Variants in MALRD1 observed in about 807,000 individuals in gnomAD.
MALRD1 encodes the protein MAM and LDL-receptor class A domain-containing protein 1.
Under a neutral mutation model 242.1 loss-of-function variants are expected in MALRD1, and 247 were observed. The ratio of observed to expected loss-of-function variants is 1.02; its 90% confidence interval spans 0.92 to 1.13. The LOEUF is 1.13. Ranked by LOEUF, MALRD1 falls within the 50% of genes most tolerant of loss-of-function variation. The pLI is 0.00. For missense variants in MALRD1, 2,989 were observed against 2,533.1 expected (o/e 1.18, Z -3.86); for synonymous variants, 995 against 866.6 (o/e 1.15, Z -2.60).
At chr10:19,502,076 C>A (rs1838004092) in intron 31 of MALRD1, among the ~76,000 whole-genome samples, 1 of 149,660 alleles carries the variant, frequency 6.7e-6, no homozygotes, top group South Asian at 2.1e-4. Flanking sequence ...AGGAACTGTA[C>A]CTGAAAAGAA....
chr10:19,210,863 AT>A (rs1245073468), intron 18 of MALRD1, among the ~76,000 whole-genome samples: 2 of 152,140 alleles, frequency 1.3e-5, no homozygotes, highest in African/African-American at 2.4e-5. Flanking sequence ...ATGAGAATGA[AT>A]CCCCCATTTA....
intron 5 of MALRD1, among the ~76,000 whole-genome samples, chr10:19,120,692 T>G (rs1837028724): frequency 6.6e-6 from 1 of 152,160 alleles, no homozygotes; most frequent in African/African-American, 2.4e-5. Flanking sequence ...AATTAGGTAG[T>G]TTGATGATTG....
intron 36 of MALRD1, among the ~76,000 whole-genome samples, chr10:19,621,559 A>G (rs1268703558): frequency 6.6e-6 from 1 of 151,738 alleles, no homozygotes; most frequent in Admixed American, 6.6e-5. Flanking sequence ...AGATAAAATA[A>G]GGAGAATCAA....
rs770129761 is a variant in MALRD1 at position 19,447,668 on chromosome 10, G to A, written c.4846-2639G>A. ...GATAAATAGGAAAAGTTAGTAAAGT[G>A]AATTAAGTTTGTAAATCAAGACAGG... On this transcript the variant is annotated intron_variant, in intron 28 of 39. Transcript: ENST00000454679. Among the ~76,000 whole-genome samples, 20 of 152,136 alleles carry A rather than the reference G, an allele frequency of 1.3e-4. 1 individual carries two copies. Among genetic ancestry groups the A allele is most frequent in the Admixed American group, 1.3e-3 (20 of 15,268 alleles).
chr10:19,316,163 C>T lies in MALRD1; in HGVS notation c.3420-7786C>T, dbSNP rs531874317. 9.8e-4 allele frequency among the ~76,000 whole-genome samples: 148 copies of T among 150,492 alleles called. 1 individual carries two copies. Among genetic ancestry groups the T allele is most frequent in the African/African-American group, 3.5e-3 (141 of 40,788 alleles). ...GTAAATTTACATAATTTACTAAGGA[C>T]AATTGCTCTGCAGGTAAATATACAT... On this transcript the variant is annotated intron_variant, in intron 21 of 39. Transcript: ENST00000454679.
intron 35 of MALRD1, among the ~76,000 whole-genome samples, chr10:19,615,561 A>C (rs1839115203): frequency 6.6e-6 from 1 of 150,638 alleles, no homozygotes. Context: ...AAAAAATAGC[A>C]AAAAATAAAT....
intron 21 of MALRD1, among the ~76,000 whole-genome samples, chr10:19,292,785 C>G (rs1490907818): frequency 1.4e-5 from 2 of 147,776 alleles, no homozygotes; most frequent in African/African-American, 5.0e-5. Flanking sequence ...CCCAGCTACT[C>G]GGGAGGCTGA....
chr10:19,493,645 TAAAA>T (rs758905906), intron 30 of MALRD1, among the ~76,000 whole-genome samples: 1 of 122,046 alleles, frequency 8.2e-6, no homozygotes. Flanking sequence ...CCGTCTCTAC[TAAAA>T]AAAAAAAAAA....
intron 19 of MALRD1, among the ~76,000 whole-genome samples, chr10:19,277,985 A>G (rs947333323): frequency 6.6e-6 from 1 of 152,138 alleles, no homozygotes; most frequent in Non-Finnish European, 1.5e-5. Context: ...CATGCTTCAC[A>G]CTGATGCCAA....
intron 36 of MALRD1, among the ~76,000 whole-genome samples, chr10:19,655,781 C>G (rs570232710): frequency 2.8e-4 from 42 of 152,022 alleles, no homozygotes; most frequent in African/African-American, 9.9e-4. Context: ...TATTTCTATT[C>G]TGCTAAAGGG....
chr10:19,382,441 A>C (rs1400036742), intron 26 of MALRD1, among the ~76,000 whole-genome samples: 1 of 152,128 alleles, frequency 6.6e-6, no homozygotes, highest in Non-Finnish European at 1.5e-5. Context: ...AAAAGTTAGA[A>C]TATCTGAATG....
intron 36 of MALRD1, among the ~76,000 whole-genome samples, chr10:19,661,212 T>C (rs1173116021): frequency 6.6e-6 from 1 of 152,228 alleles, no homozygotes; most frequent in African/African-American, 2.4e-5. Context: ...TCAACCATTG[T>C]GGAAGTCAGT....
At chr10:19,554,504 C>T (rs7906298) in intron 32 of MALRD1, among the ~76,000 whole-genome samples, 5,029 of 152,128 alleles carry the variant, frequency 0.033, 292 homozygotes, top group African/African-American at 0.12. Flanking sequence ...AAGTATCAAG[C>T]CCAGCATGCA....
chr10:19,110,664 C>G (rs2358312), intron 5 of MALRD1, among the ~76,000 whole-genome samples: 66,184 of 152,044 alleles, frequency 0.44, 14,696 homozygotes, highest in Admixed American at 0.52. Flanking sequence ...TCTAATACCC[C>G]CTCTTCTGTT....
intron 31 of MALRD1, among the ~76,000 whole-genome samples, chr10:19,515,188 G>A (rs879828138): frequency 9.2e-5 from 14 of 151,964 alleles, no homozygotes; most frequent in Non-Finnish European, 1.6e-4. Flanking sequence ...CTTGGATTTA[G>A]AATGGTTTTT....
intron 18 of MALRD1, among the ~76,000 whole-genome samples, chr10:19,230,388 A>AGG (rs149060556): frequency 1.4e-4 from 21 of 152,058 alleles, no homozygotes; most frequent in African/African-American, 4.8e-4. Context: ...ACCTGCTTCC[A>AGG]GGGGGGGCCT....
In MALRD1 at chr10:19,408,267, G is replaced by C. The variant is rs549418865; in HGVS notation, c.4845+18658G>C. Among the ~76,000 whole-genome samples the C allele has an allele frequency of 7.0e-4, 107 of 152,266 alleles. 1 individual carries two copies. The highest frequency in any genetic ancestry group is 2.6e-3 in the African/African-American group (107 of 41,550). On this transcript the variant is annotated intron_variant, in intron 28 of 39. Coordinates refer to ENST00000454679, the MANE Select transcript of MALRD1 (RefSeq NM_001142308.3). The stretch of plus-strand genomic sequence containing the variant: ...GGTAAGGAATAGGAATTGGTCAGCA[G>C]GCGACAGGTGCATCTGTAGGTGAAA...
intron 26 of MALRD1, among the ~76,000 whole-genome samples, chr10:19,374,606 A>G (rs892093652): frequency 2.6e-5 from 4 of 152,236 alleles, no homozygotes; most frequent in African/African-American, 9.6e-5. Context: ...GCACACACAC[A>G]TATACATACA....
intron 29 of MALRD1, among the ~76,000 whole-genome samples, chr10:19,454,609 A>G (rs1442370837): frequency 1.3e-5 from 2 of 151,334 alleles, no homozygotes; most frequent in African/African-American, 4.9e-5. Flanking sequence ...TTGTAAATGC[A>G]GAAGCTCCTG....
Sources: gnomAD v4.1 joint callset for allele counts (sites outside exome capture counted in the v4.1 genomes callset) on GRCh38, gnomAD v4.1.1 for gene constraint, MANE v1.5 for transcripts, NCBI Gene and HGNC (gene_info 2026-07-23, HGNC 2026-07-21) for gene names.